SH2D4A: variants seen among roughly 807,000 people sequenced by gnomAD.
SH2D4A encodes the protein SH2 domain-containing protein 4A.
A neutral mutation model predicts 64.7 loss-of-function variants in SH2D4A; 70 were observed. That is an observed-to-expected ratio of 1.08 (90% confidence interval 0.89 to 1.32). SH2D4A has a LOEUF of 1.32. Among genes scored for constraint, SH2D4A ranks in the 40% most tolerant of loss-of-function variants. The pLI, the probability that SH2D4A is intolerant of heterozygous loss-of-function variation, is 0.00. For missense variants in SH2D4A, 706 were observed against 540.1 expected (o/e 1.31, Z -3.04); for synonymous variants, 268 against 200.7 (o/e 1.34, Z -2.83).
chr8:19,329,649 G>C (rs1182112177), intron 2 of SH2D4A, among the ~76,000 whole-genome samples: 1 of 152,172 alleles, frequency 6.6e-6, no homozygotes, highest in African/African-American at 2.4e-5. Context: ...GGAGGGACCT[G>C]GTGGGAGGCA....
At chr8:19,348,753 A>C (rs17478287) in intron 4 of SH2D4A, among the ~76,000 whole-genome samples, 10,671 of 152,326 alleles carry the variant, frequency 0.07, 438 homozygotes, top group Middle Eastern at 0.13. Flanking sequence ...TCAGGTTAAG[A>C]GTGAAAAGCA....
intron 1 of SH2D4A, among the ~76,000 whole-genome samples, chr8:19,315,423 C>T (rs1027851984): frequency 7.9e-5 from 12 of 152,242 alleles, no homozygotes; most frequent in Non-Finnish European, 1.6e-4. Flanking sequence ...TGTAGAACCA[C>T]TGTGCCCGCC....
intron 4 of SH2D4A, among the ~76,000 whole-genome samples, chr8:19,353,992 AT>A (rs56334713): frequency 0.3 from 39,710 of 133,258 alleles, 5,599 homozygotes; most frequent in Non-Finnish European, 0.4. Flanking sequence ...TTTTCAACTA[AT>A]TTTTTTTTTT....
intron 8 of SH2D4A, among the ~76,000 whole-genome samples, chr8:19,379,541 G>A (rs2053255160): frequency 6.6e-6 from 1 of 152,184 alleles, no homozygotes; most frequent in South Asian, 2.1e-4. Context: ...CCCAGAGGTG[G>A]AATTTCAGGA....
intron 2 of SH2D4A, among the ~76,000 whole-genome samples, chr8:19,323,381 A>ATTTTT (rs750438816): frequency 1.4e-5 from 2 of 141,928 alleles, no homozygotes; most frequent in African/African-American, 5.2e-5. Context: ...GTTCCTTTTG[A>ATTTTT]TTTTTTTTTT....
intron 4 of SH2D4A, among the ~76,000 whole-genome samples, chr8:19,343,847 C>A (rs2052568336): frequency 6.6e-6 from 1 of 152,180 alleles, no homozygotes; most frequent in African/African-American, 2.4e-5. Context: ...AGGATTTAAT[C>A]ACGTTCTAGG....
chr8:19,347,257 G>T (rs978421410), intron 4 of SH2D4A, among the ~76,000 whole-genome samples: 3 of 152,186 alleles, frequency 2.0e-5, no homozygotes, highest in African/African-American at 7.2e-5. Context: ...TTTGAGACAC[G>T]CACGTTCAGA....
At position 19,394,647 on chromosome 8, in the gene SH2D4A, C is replaced by G. The variant is rs1267851909; in HGVS notation, c.*5C>G. 4.4e-6 allele frequency: 7 copies of G among 1,602,774 alleles called. No homozygotes were observed. The highest frequency in any genetic ancestry group is 3.4e-5 in the Admixed American group (2 of 59,142). ...TACCTGGAGCTGTTTGAGTGACAGC[C>G]TCCATCAGGGTCATCCTACAGCCTC... is the stretch of plus-strand genomic sequence containing the variant. On this transcript the variant is annotated 3_prime_UTR_variant, in exon 10 of 10. Coordinates refer to ENST00000265807, the MANE Select transcript of SH2D4A (RefSeq NM_022071.4).
At chr8:19,314,814 A>C (rs1420029060) in intron 1 of SH2D4A, among the ~76,000 whole-genome samples, 1 of 152,172 alleles carries the variant, frequency 6.6e-6, no homozygotes, top group East Asian at 1.9e-4. Flanking sequence ...AGTAATCTCA[A>C]ATTTCTGAAG....
chr8:19,370,358 T>C (rs2053074486), intron 7 of SH2D4A, among the ~76,000 whole-genome samples: 1 of 152,104 alleles, frequency 6.6e-6, no homozygotes, highest in Admixed American at 6.5e-5. Flanking sequence ...TCTACTATTG[T>C]TGTATTGCAG....
intron 3 of SH2D4A, 151 bp from the exon 4 acceptor site, chr8:19,334,535 C>T (rs2052413617): frequency 1.3e-6 from 1 of 744,594 alleles, no homozygotes; most frequent in Non-Finnish European, 2.1e-6. Flanking sequence ...AACGTCTTTA[C>T]ACACCTAGCA....
intron 4 of SH2D4A, among the ~76,000 whole-genome samples, chr8:19,335,219 T>C (rs1345709910): frequency 4.0e-5 from 6 of 150,116 alleles, no homozygotes; most frequent in African/African-American, 1.2e-4. Flanking sequence ...ACCTGGGAGG[T>C]GGAGCTTGCA....
chr8:19,382,071 C>T (rs2053302562), intron 8 of SH2D4A, among the ~76,000 whole-genome samples: 1 of 152,054 alleles, frequency 6.6e-6, no homozygotes, highest in Admixed American at 6.5e-5. Context: ...TTATAATTGC[C>T]TATGTATTTA....
intron 2 of SH2D4A, among the ~76,000 whole-genome samples, chr8:19,322,039 G>A (rs766806520): frequency 5.9e-5 from 9 of 152,216 alleles, no homozygotes; most frequent in East Asian, 1.9e-4. Flanking sequence ...AATATCTCAC[G>A]TCAAAAGTGT....
chr8:19,376,336 C>T (rs1380508265), intron 8 of SH2D4A, among the ~76,000 whole-genome samples: 1 of 152,082 alleles, frequency 6.6e-6, no homozygotes, highest in Non-Finnish European at 1.5e-5. Flanking sequence ...TAAATCTCAT[C>T]CAAGACCAGG....
intron 3 of SH2D4A, 78 bp downstream of exon 3, chr8:19,333,192 A>G: frequency 6.7e-7 from 1 of 1,484,844 alleles, no homozygotes; most frequent in Non-Finnish European, 9.0e-7. Context: ...CCTCTTGCTC[A>G]CAGTATCAGG....
chr8:19,346,925 C>G (rs1371661256), intron 4 of SH2D4A, among the ~76,000 whole-genome samples: 1 of 152,170 alleles, frequency 6.6e-6, no homozygotes, highest in Non-Finnish European at 1.5e-5. Flanking sequence ...CCTTCGCATT[C>G]TTCATATGAA....
At chr8:19,343,077 C>A (rs570934732) in intron 4 of SH2D4A, among the ~76,000 whole-genome samples, 1 of 152,140 alleles carries the variant, frequency 6.6e-6, no homozygotes, top group Non-Finnish European at 1.5e-5. Flanking sequence ...GTTACCTATG[C>A]TAGCTGTGCA....
At chr8:19,359,920 A>G (rs1046415494) in intron 5 of SH2D4A, among the ~76,000 whole-genome samples, 1 of 152,222 alleles carries the variant, frequency 6.6e-6, no homozygotes. Context: ...GTCACTTGTG[A>G]TAGAGAGGTG....
Sources: allele counts gnomAD v4.1 joint callset (sites outside exome capture counted in the v4.1 genomes callset), GRCh38; gene constraint gnomAD v4.1.1; transcripts MANE v1.5; gene names NCBI Gene and HGNC (gene_info 2026-07-23, HGNC 2026-07-21).